MAST2: variants seen among roughly 807,000 people sequenced by gnomAD.
MAST2 encodes microtubule-associated serine/threonine-protein kinase 2.
MAST2 carries 70 observed loss-of-function variants against 147.4 expected under a neutral mutation model. The observed-to-expected ratio is 0.47, with a 90% CI of 0.39 to 0.58. The LOEUF is 0.58. MAST2 is among the 20% of genes least tolerant of loss of function. MAST2 has a pLI of 0.00. For missense variants in MAST2, 2,080 were observed against 2,302.3 expected (o/e 0.90, Z 1.98); for synonymous variants, 869 against 896.8 (o/e 0.97, Z 0.55).
At chr1:45,851,865 C>T (rs990326233) in intron 3 of MAST2, among the ~76,000 whole-genome samples, 2 of 151,878 alleles carry the variant, frequency 1.3e-5, no homozygotes, top group African/African-American at 4.8e-5. Context: ...CAAACAGAAA[C>T]GTTTCTGAGA....
At chr1:45,971,497 G>A (rs552527519) in intron 5 of MAST2, among the ~76,000 whole-genome samples, 2 of 152,306 alleles carry the variant, frequency 1.3e-5, no homozygotes, top group African/African-American at 2.4e-5. Flanking sequence ...TTGGGGCAGA[G>A]CAACCCACAT....
intron 5 of MAST2, among the ~76,000 whole-genome samples, chr1:45,969,827 T>C (rs377618674): frequency 5.9e-5 from 9 of 152,286 alleles, no homozygotes; most frequent in African/African-American, 2.2e-4. Flanking sequence ...TCCTGGTCCA[T>C]GGAAAAATTA....
At chr1:45,857,689 G>A (rs1008594119) in intron 3 of MAST2, among the ~76,000 whole-genome samples, 2 of 152,038 alleles carry the variant, frequency 1.3e-5, no homozygotes, top group Non-Finnish European at 2.9e-5. Flanking sequence ...CCATGTTGGT[G>A]TGCTGCACCC....
chr1:45,995,548 A>T (rs1026187550), intron 5 of MAST2, among the ~76,000 whole-genome samples: 2 of 152,192 alleles, frequency 1.3e-5, no homozygotes, highest in African/African-American at 2.4e-5. Context: ...GGACAGCTCT[A>T]GAGATCCACG....
At chr1:45,959,217 T>G (rs140226694) in intron 4 of MAST2, among the ~76,000 whole-genome samples, 169 bp from the exon 5 acceptor site, 256 of 152,304 alleles carry the variant, frequency 1.7e-3, no homozygotes, top group African/African-American at 5.8e-3. Flanking sequence ...AACACAGTGC[T>G]TTATGGAATC....
At chr1:46,000,737 T>C (rs542564109) in intron 6 of MAST2, among the ~76,000 whole-genome samples, 8 of 152,358 alleles carry the variant, frequency 5.3e-5, no homozygotes, top group African/African-American at 1.9e-4. Context: ...TCTGTGTTAC[T>C]GGCTGGCGCT....
In MAST2 at chr1:45,803,977, CTG is replaced by C. The variant is rs1265095110; in HGVS notation, c.84_85del (p.Gln30ValfsTer36). 9.3e-6 allele frequency: 10 copies of C among 1,077,912 alleles called. No individual in the cohort carries two copies. Among genetic ancestry groups the C allele is most frequent in the Non-Finnish European group, 1.2e-5 (10 of 813,600 alleles). 66.8% of individuals were successfully genotyped at this position (1,077,912 alleles called of 1,614,324 possible). A position where few individuals can be genotyped will look rare whatever the true frequency, so the allele number is the denominator to read the frequency against. On this transcript the variant is annotated frameshift_variant, in exon 1 of 29. Transcript: ENST00000361297. LOFTEE classifies it high-confidence loss of function. The stretch of plus-strand genomic sequence containing the variant: ...GGATGGAGTTCAGCGGGCAGCGGAG[CTG>C]TCTCAGTCTTTGCCGCCGCGCCGGC... ...REDGVQRAAE[L>X]SQSLPPRRRA...
chr1:45,894,657 A>G (rs879807503), intron 4 of MAST2, among the ~76,000 whole-genome samples: 4 of 152,238 alleles, frequency 2.6e-5, no homozygotes, highest in Non-Finnish European at 5.9e-5. Flanking sequence ...AATTTTAACC[A>G]GTTTTAGCTT....
chr1:45,865,677 A>G (rs1257916976), intron 3 of MAST2, among the ~76,000 whole-genome samples: 1 of 152,128 alleles, frequency 6.6e-6, no homozygotes, highest in Non-Finnish European at 1.5e-5. Flanking sequence ...TTCTTAAATC[A>G]TAGGTAGTTT....
At position 46,031,240 on chromosome 1, in the gene MAST2, G is replaced by A. The variant is rs202188596; in HGVS notation, c.2942G>A (p.Arg981Gln). Reference protein sequence around the residue: ...GPVTEHSGEQRPKLDEEAVGR... With the variant: ...GPVTEHSGEQQPKLDEEAVGR... Reference sequence around the variant, plus strand: ...GTCACTGAACACTCAGGGGAGCAGCGGCCAAAGCTGGATGAGGAAGCTGTT... The same window carrying A: ...GTCACTGAACACTCAGGGGAGCAGCAGCCAAAGCTGGATGAGGAAGCTGTT... Residue 981 changes from arginine to glutamine, a missense_variant, in exon 23 of 29, where the codon CGG becomes CAG. Transcript: ENST00000361297. This position sits in a 1 kb window ranked among gnomAD's most constrained non-coding sequence, Gnocchi z 4.1. 29 of 1,538,110 alleles carry A rather than the reference G, an allele frequency of 1.9e-5. No individual in the cohort carries two copies. Among genetic ancestry groups the A allele is most frequent in the South Asian group, 1.3e-4 (10 of 79,626 alleles).
intron 3 of MAST2, among the ~76,000 whole-genome samples, chr1:45,832,467 G>A (rs1469641589): frequency 6.6e-6 from 1 of 151,668 alleles, no homozygotes; most frequent in East Asian, 1.9e-4. Context: ...GCTATTTTTT[G>A]TCTTTTCAGT....
intron 5 of MAST2, among the ~76,000 whole-genome samples, chr1:45,991,182 G>C (rs1305539292): frequency 6.6e-6 from 1 of 152,060 alleles, no homozygotes; most frequent in East Asian, 1.9e-4. Context: ...GTGCTCCTTT[G>C]TCATATATCA....
Position 45,824,911 on chromosome 1 carries a change from T to C in MAST2, c.325+331T>C, listed in dbSNP as rs184328750. Among the ~76,000 whole-genome samples the C allele has an allele frequency of 7.0e-3, 1,064 of 152,338 alleles. 14 individuals are homozygous for C. Among genetic ancestry groups the C allele is most frequent in the South Asian group, 0.018 (86 of 4,826 alleles). On this transcript the variant is annotated intron_variant, in intron 2 of 28. Transcript: ENST00000361297. ...CTTCATTCTCAAAACCTAAAACTCA[T>C]AGTGGCCTCTACCGCCTTCAAAGAA...
chr1:45,917,913 G>A (rs927643037), intron 4 of MAST2, among the ~76,000 whole-genome samples: 1 of 152,260 alleles, frequency 6.6e-6, no homozygotes, highest in East Asian at 1.9e-4. Context: ...GGTTTGTTCA[G>A]GTTGAGGAAA....
In MAST2 at chr1:45,882,072, G is replaced by T. The variant is rs189836485; in HGVS notation, c.469-292G>T. ...CCAGGCGTGGTGGCGGGTGCCTGTA[G>T]TCCCAGCTACTCAGGAGGCTGAGAC... On this transcript the variant is annotated intron_variant, in intron 3 of 28. Coordinates refer to ENST00000361297, the MANE Select transcript of MAST2 (RefSeq NM_015112.3). 8.1e-3 allele frequency among the ~76,000 whole-genome samples: 1,176 copies of T among 144,396 alleles called. 18 individuals are homozygous for T. Among genetic ancestry groups the T allele is most frequent in the African/African-American group, 0.028 (1,113 of 39,292 alleles). The allele number at this position is 144,396 out of a possible 152,430, so 94.7% of individuals were successfully genotyped here.
At chr1:45,983,126 C>T (rs976212208) in intron 5 of MAST2, among the ~76,000 whole-genome samples, 1 of 152,144 alleles carries the variant, frequency 6.6e-6, no homozygotes, top group Non-Finnish European at 1.5e-5. Context: ...GAAACCATTT[C>T]TTTTCTCCAA....
intron 4 of MAST2, among the ~76,000 whole-genome samples, chr1:45,933,885 A>C (rs72692613): frequency 0.18 from 27,137 of 149,126 alleles, 3,176 homozygotes; most frequent in Non-Finnish European, 0.26. Context: ...GTATCCTTCT[A>C]CTTTAATGAA....
At chr1:45,990,307 C>A (rs542733516) in intron 5 of MAST2, among the ~76,000 whole-genome samples, 66 of 152,268 alleles carry the variant, frequency 4.3e-4, no homozygotes, top group Admixed American at 2.6e-3. Flanking sequence ...TGTTGAGAAT[C>A]TTTTTATATA....
At chr1:45,893,196 A>ATTAT (rs933994450) in intron 4 of MAST2, among the ~76,000 whole-genome samples, 24 of 151,860 alleles carry the variant, frequency 1.6e-4, no homozygotes, top group African/African-American at 3.4e-4. Context: ...TTCAGTTTTT[A>ATTAT]TTATTTATTT....
Sources: allele counts gnomAD v4.1 joint callset (sites outside exome capture counted in the v4.1 genomes callset), GRCh38; gene constraint gnomAD v4.1.1; non-coding constraint Gnocchi (gnomAD v3.1); transcripts MANE v1.5; gene names NCBI Gene and HGNC (gene_info 2026-07-23, HGNC 2026-07-21).